The following PTPRG variants were observed in gnomAD, a reference collection of about 807,000 sequenced individuals.
PTPRG encodes protein tyrosine phosphatase receptor type G, also known as receptor-type tyrosine-protein phosphatase gamma.
In PTPRG, 102 loss-of-function variants were observed where a neutral mutation model predicts 165.3. That is an observed-to-expected ratio of 0.62 (90% CI 0.53 to 0.73). PTPRG has a LOEUF of 0.73. Among genes scored for constraint, PTPRG ranks in the 30% least tolerant of loss-of-function variants. The pLI is 0.00. For synonymous variants in PTPRG, 675 were observed against 669.5 expected, an observed-to-expected ratio of 1.01 and a Z score of -0.13; for missense variants, 1,866 against 1,861.4, an observed-to-expected ratio of 1.00 and a Z score of -0.05.
chr3:61,730,132 T>C (rs1467855229), intron 1 of PTPRG, among the ~76,000 whole-genome samples: 1 of 152,240 alleles, frequency 6.6e-6, no homozygotes, highest in Non-Finnish European at 1.5e-5. Flanking sequence ...TGTAAGTTGC[T>C]GGTGCCACTC....
intron 1 of PTPRG, among the ~76,000 whole-genome samples, chr3:61,712,329 A>G (rs982567517): frequency 6.0e-5 from 9 of 149,328 alleles, no homozygotes; most frequent in African/African-American, 2.2e-4. Flanking sequence ...CAGCGGCTTA[A>G]GACTTTTTTT....
intron 2 of PTPRG, among the ~76,000 whole-genome samples, chr3:61,953,534 T>A (rs1199383035): frequency 6.6e-6 from 1 of 152,154 alleles, no homozygotes; most frequent in Non-Finnish European, 1.5e-5. Flanking sequence ...AAATTAAGGT[T>A]GTATATTGCA....
At chr3:62,074,716 A>G (rs1161469763) in intron 4 of PTPRG, among the ~76,000 whole-genome samples, 3 of 152,150 alleles carry the variant, frequency 2.0e-5, no homozygotes, top group Non-Finnish European at 4.4e-5. Flanking sequence ...CATCACTTAG[A>G]TTAACATTAC....
chr3:61,657,394 C>T (rs1052131273), intron 1 of PTPRG, among the ~76,000 whole-genome samples: 1 of 151,988 alleles, frequency 6.6e-6, no homozygotes, highest in African/African-American at 2.4e-5. Context: ...TGATGTTCTC[C>T]CAAAGGCAAG....
At chr3:61,756,287 A>T (rs1178136898) in intron 2 of PTPRG, among the ~76,000 whole-genome samples, 1 of 152,134 alleles carries the variant, frequency 6.6e-6, no homozygotes, top group African/African-American at 2.4e-5. Context: ...ATGTTTTTGG[A>T]TAGGAGGGCT....
intron 14 of PTPRG, among the ~76,000 whole-genome samples, chr3:62,234,189 G>T (rs928052438): frequency 4.6e-5 from 7 of 152,156 alleles, no homozygotes; most frequent in African/African-American, 1.7e-4. Flanking sequence ...CAGAAGCATG[G>T]TATTCCTTTG....
intron 1 of PTPRG, among the ~76,000 whole-genome samples, chr3:61,656,464 T>C (rs1702512889): frequency 6.6e-6 from 1 of 152,202 alleles, no homozygotes; most frequent in Non-Finnish European, 1.5e-5. Context: ...GGGAATACTC[T>C]TGTGATGAGT....
chr3:61,651,523 T>G (rs1228679771), intron 1 of PTPRG, among the ~76,000 whole-genome samples: 1 of 152,120 alleles, frequency 6.6e-6, no homozygotes, highest in Non-Finnish European at 1.5e-5. Context: ...ACAGATTTCT[T>G]TAGAAGATGA....
At chr3:61,685,712 C>G (rs1703603908) in intron 1 of PTPRG, among the ~76,000 whole-genome samples, 1 of 152,192 alleles carries the variant, frequency 6.6e-6, no homozygotes, top group African/African-American at 2.4e-5. Context: ...CCTCCACTAT[C>G]TGTGTTGGGG....
At chr3:61,658,014 C>A (rs1284347949) in intron 1 of PTPRG, among the ~76,000 whole-genome samples, 1 of 152,054 alleles carries the variant, frequency 6.6e-6, no homozygotes, top group African/African-American at 2.4e-5. Flanking sequence ...TGGGCACCCA[C>A]CCTATGGACA....
At chr3:61,934,079 G>A (rs941025216) in intron 2 of PTPRG, among the ~76,000 whole-genome samples, 1 of 152,186 alleles carries the variant, frequency 6.6e-6, no homozygotes, top group African/African-American at 2.4e-5. Flanking sequence ...GGGACATTTA[G>A]CTTGTTCTAC....
chr3:61,824,514 C>T (rs904003693), intron 2 of PTPRG, among the ~76,000 whole-genome samples: 3 of 152,166 alleles, frequency 2.0e-5, no homozygotes, highest in Non-Finnish European at 2.9e-5. Flanking sequence ...GATTTTCAAT[C>T]TCAATGGAAT....
chr3:61,690,246 A>C (rs527553192), intron 1 of PTPRG, among the ~76,000 whole-genome samples: 1 of 152,336 alleles, frequency 6.6e-6, no homozygotes, highest in East Asian at 1.9e-4. Flanking sequence ...GGAAATGCAG[A>C]GGCCTCCTGG....
chr3:62,166,429 C>A (rs777052222), intron 7 of PTPRG, among the ~76,000 whole-genome samples: 2 of 151,380 alleles, frequency 1.3e-5, no homozygotes, highest in African/African-American at 4.9e-5. Flanking sequence ...CTCCGCCTCC[C>A]AGGTTCAAGC....
rs558611864 is a variant in PTPRG, at chr3:61,695,505, T to C, written c.86-53373T>C. On this transcript the variant is annotated intron_variant, in intron 1 of 29. Transcript: ENST00000474889. Reference sequence around the variant, plus strand: ...CAATTTTCTCTCTATGAGAACAAGTTCCGTTGACTAAAGGATTTCTGTTCC... The same window carrying C: ...CAATTTTCTCTCTATGAGAACAAGTCCCGTTGACTAAAGGATTTCTGTTCC... 1.1e-3 allele frequency among the ~76,000 whole-genome samples: 171 copies of C among 152,320 alleles called. 1 individual carries two copies. The highest frequency in any genetic ancestry group is 3.8e-3 in the African/African-American group (159 of 41,570).
chr3:61,917,880 C>G (rs1315968801), intron 2 of PTPRG, among the ~76,000 whole-genome samples: 1 of 152,018 alleles, frequency 6.6e-6, no homozygotes, highest in Non-Finnish European at 1.5e-5. Flanking sequence ...TGCAGTGAGC[C>G]GAGATCACGC....
chr3:61,576,623 C>T (rs1700178069), intron 1 of PTPRG, among the ~76,000 whole-genome samples: 2 of 152,136 alleles, frequency 1.3e-5, no homozygotes, highest in South Asian at 4.1e-4. Context: ...ACTTTTGTGC[C>T]ATCTCTGTGC....
intron 2 of PTPRG, among the ~76,000 whole-genome samples, chr3:61,883,753 A>G (rs112099480): frequency 9.3e-4 from 141 of 152,292 alleles, no homozygotes; most frequent in African/African-American, 3.0e-3. Context: ...TCTGTCACCC[A>G]GGCTGGTAGT....
At chr3:62,104,175 T>C (rs778320148) in intron 5 of PTPRG, among the ~76,000 whole-genome samples, 14 of 152,158 alleles carry the variant, frequency 9.2e-5, no homozygotes, top group Non-Finnish European at 1.9e-4. Context: ...CTTCTAGGGA[T>C]TTTTTTGTTT....
Sources: allele counts gnomAD v4.1 joint callset (sites outside exome capture counted in the v4.1 genomes callset), GRCh38; gene constraint gnomAD v4.1.1; transcripts MANE v1.5; gene names NCBI Gene and HGNC (gene_info 2026-07-23, HGNC 2026-07-21).